KIF26B: variants seen among roughly 807,000 people sequenced by gnomAD.
KIF26B encodes the protein kinesin family member 26B, also known as kinesin-like protein KIF26B.
KIF26B carries 63 observed loss-of-function variants against 151.2 expected under a neutral mutation model. The observed-to-expected ratio is 0.42, with a 90% confidence interval of 0.34 to 0.51. KIF26B has a LOEUF of 0.51. KIF26B is among the 20% of genes least tolerant of loss of function. The pLI, the probability that KIF26B is intolerant of heterozygous loss-of-function variation, is 0.07. For synonymous variants in KIF26B, 1,357 were observed against 1,262.1 expected (o/e 1.08, Z -1.59); for missense variants, 2,813 against 2,913.6 (o/e 0.97, Z 0.79).
At chr1:245,590,124 G>A (rs1367808333) in intron 5 of KIF26B, among the ~76,000 whole-genome samples, 1 of 152,072 alleles carries the variant, frequency 6.6e-6, no homozygotes, top group Non-Finnish European at 1.5e-5. Flanking sequence ...GGGCCCCGCG[G>A]GGTCGGGGGG....
intron 9 of KIF26B, among the ~76,000 whole-genome samples, chr1:245,621,655 C>T (rs184074615): frequency 0.011 from 1,690 of 148,430 alleles, 38 homozygotes; most frequent in African/African-American, 0.042. Flanking sequence ...TTCTTACCTG[C>T]TATTAATTAT....
At chr1:245,538,140 C>A (rs1443490312) in intron 4 of KIF26B, among the ~76,000 whole-genome samples, 1 of 152,114 alleles carries the variant, frequency 6.6e-6, no homozygotes, top group Non-Finnish European at 1.5e-5. Context: ...GGCTGAGAAC[C>A]ATTAACTTGA....
chr1:245,696,599 CAACA>C (rs3085405), intron 12 of KIF26B, among the ~76,000 whole-genome samples: 100,096 of 151,802 alleles, frequency 0.66, 34,699 homozygotes, highest in Middle Eastern at 0.79. Context: ...AACAGTTTGC[CAACA>C]AACAGTCAGC....
chr1:245,586,872 G>T (rs976647342), intron 5 of KIF26B, among the ~76,000 whole-genome samples: 3 of 141,370 alleles, frequency 2.1e-5, no homozygotes, highest in East Asian at 4.2e-4. Flanking sequence ...CGGCCTGGGT[G>T]ACAGAGCGAG....
chr1:245,396,119 A>C (rs1169867910), intron 3 of KIF26B, among the ~76,000 whole-genome samples: 1 of 152,162 alleles, frequency 6.6e-6, no homozygotes, highest in African/African-American at 2.4e-5. Flanking sequence ...TTTATAACAG[A>C]ATACTGACTT....
chr1:245,599,196 C>G (rs2043365666), intron 5 of KIF26B, among the ~76,000 whole-genome samples: 1 of 152,100 alleles, frequency 6.6e-6, no homozygotes, highest in Non-Finnish European at 1.5e-5. Context: ...GCAGATTAAG[C>G]AGGAAGTGGA....
chr1:245,368,049 G>A (rs1201234392), intron 3 of KIF26B, among the ~76,000 whole-genome samples: 9 of 152,122 alleles, frequency 5.9e-5, no homozygotes, highest in Admixed American at 5.9e-4. Flanking sequence ...TAAAATATAC[G>A]AAGGAACAGT....
chr1:245,669,786 A>G (rs569547323), intron 10 of KIF26B, among the ~76,000 whole-genome samples: 4 of 152,280 alleles, frequency 2.6e-5, no homozygotes, highest in Admixed American at 2.0e-4. Flanking sequence ...CAAGAGTCGC[A>G]TATAGAATTG....
rs1046560254 is a variant in KIF26B at position 245,318,483 on chromosome 1, A to G, written c.466-48351A>G. ...GAGGAATATACAAGTTGATAGGGCT[A>G]CTTGCCTTCTTGCTCATTAATATCT... On this transcript the variant is annotated intron_variant, in intron 2 of 14. Transcript: ENST00000407071. This position sits in a 1 kb window ranked among gnomAD's most constrained non-coding sequence, Gnocchi z 4.0. Among the ~76,000 whole-genome samples, 2 of 152,172 alleles carry G rather than the reference A, an allele frequency of 1.3e-5. No individual in the cohort carries two copies. Among genetic ancestry groups the G allele is most frequent in the African/African-American group, 2.4e-5 (1 of 41,436 alleles).
intron 9 of KIF26B, among the ~76,000 whole-genome samples, chr1:245,626,034 G>A (rs954105206): frequency 1.3e-5 from 2 of 152,098 alleles, no homozygotes; most frequent in Non-Finnish European, 2.9e-5. Flanking sequence ...AGCACATTTT[G>A]CTACAAATGA....
chr1:245,322,321 T>C (rs1291298108), intron 2 of KIF26B, among the ~76,000 whole-genome samples: 1 of 152,136 alleles, frequency 6.6e-6, no homozygotes, highest in Admixed American at 6.5e-5. Flanking sequence ...CAAACCACCA[T>C]GGCACATGTA....
chr1:245,661,920 A>AAT (rs1385316010), intron 10 of KIF26B, among the ~76,000 whole-genome samples: 2 of 146,564 alleles, frequency 1.4e-5, no homozygotes, highest in South Asian at 2.2e-4. Context: ...ACACACACTC[A>AAT]ATATATATAT....
rs1402643280 is a variant in KIF26B at position 245,540,637 on chromosome 1, C to A, written c.1167-130C>A. On this transcript the variant is annotated intron_variant, in intron 4 of 14. Transcript: ENST00000407071. The surrounding 1 kb of genome is among the most constrained non-coding windows in gnomAD (Gnocchi z 4.6). ...TAGTAAGGGACTGCTACAGAGGACA[C>A]TGAGCAGGAGGAGAGAAGGAATGAT... The A allele has an allele frequency of 1.2e-6, 1 of 842,876 alleles. No individual in the cohort carries two copies. Among genetic ancestry groups the A allele is most frequent in the Non-Finnish European group, 2.1e-6 (1 of 478,162 alleles). 52.2% of individuals were successfully genotyped at this position (842,876 alleles called of 1,614,324 possible). A position where few individuals can be genotyped will look rare whatever the true frequency, so the allele number is the denominator to read the frequency against.
At chr1:245,500,120 C>A (rs1660591905) in intron 4 of KIF26B, among the ~76,000 whole-genome samples, 1 of 152,214 alleles carries the variant, frequency 6.6e-6, no homozygotes, top group Non-Finnish European at 1.5e-5. Context: ...TCTAAGCCCC[C>A]AAGTGTACAG....
intron 10 of KIF26B, among the ~76,000 whole-genome samples, chr1:245,679,023 G>T (rs558995201): frequency 6.6e-6 from 1 of 152,228 alleles, no homozygotes; most frequent in South Asian, 2.1e-4. Flanking sequence ...TGCATTCTCT[G>T]CTTGGTGGTT....
chr1:245,552,616 ATT>A (rs3038129), intron 5 of KIF26B, among the ~76,000 whole-genome samples: 8 of 138,486 alleles, frequency 5.8e-5, no homozygotes, highest in Admixed American at 7.2e-5. Flanking sequence ...ATCTTCCTGG[ATT>A]TTTTTTTTTT....
At chr1:245,518,979 T>A (rs1249158088) in intron 4 of KIF26B, among the ~76,000 whole-genome samples, 1 of 152,142 alleles carries the variant, frequency 6.6e-6, no homozygotes, top group Non-Finnish European at 1.5e-5. Flanking sequence ...CCTTGTAACA[T>A]GGAGGATAAA....
At chr1:245,474,829 T>C (rs978599928) in intron 4 of KIF26B, among the ~76,000 whole-genome samples, 8 of 151,858 alleles carry the variant, frequency 5.3e-5, no homozygotes, top group Admixed American at 2.6e-4. Flanking sequence ...CCATCTACTC[T>C]CTGTCTTCAC....
chr1:245,568,305 C>T lies in KIF26B; in HGVS notation c.1350+27355C>T, dbSNP rs574040237. ...CCAAGGCAGCAGGATCACTTGAGCT[C>T]AGGAGTTCAGCCTGGGCAACAGAGT... On this transcript the variant is annotated intron_variant, in intron 5 of 14. Coordinates refer to ENST00000407071, the MANE Select transcript of KIF26B (RefSeq NM_018012.4). 1.1e-4 allele frequency among the ~76,000 whole-genome samples: 16 copies of T among 151,446 alleles called. No homozygotes were observed. In the South Asian group the frequency reaches 3.3e-3, roughly 32 times the overall value.
Sources: gnomAD v4.1 joint callset for allele counts (sites outside exome capture counted in the v4.1 genomes callset) on GRCh38, gnomAD v4.1.1 for gene constraint, Gnocchi (gnomAD v3.1) non-coding constraint, MANE v1.5 for transcripts, NCBI Gene and HGNC (gene_info 2026-07-23, HGNC 2026-07-21) for gene names.